SPNS3: variants seen among roughly 807,000 people sequenced by gnomAD.
SPNS3 encodes the protein SPNS lysolipid transporter 3, sphingosine-1-phosphate (putative).
A neutral mutation model predicts 54.4 loss-of-function variants in SPNS3; 51 were observed. That is an observed-to-expected ratio of 0.94 (90% CI 0.75 to 1.18). The LOEUF (loss-of-function observed/expected upper bound fraction) is 1.18. SPNS3 is among the 50% of genes most tolerant of loss of function. The pLI is 0.00. For synonymous variants in SPNS3, 309 were observed against 294.7 expected (o/e 1.05, Z -0.50); for missense variants, 669 against 677.4 (o/e 0.99, Z 0.14).
intron 7 of SPNS3, 97 bp from the exon 8 acceptor site, chr17:4,452,919 T>G: frequency 8.0e-7 from 1 of 1,245,396 alleles, no homozygotes; most frequent in South Asian, 1.4e-5. Flanking sequence ...GATCATGCAC[T>G]TGAGCCGAGG....
Position 4,486,186 on chromosome 17 carries a change from C to A in SPNS3, c.1180-42C>A, listed in dbSNP as rs780878471. The A allele has an allele frequency of 6.7e-7, 1 of 1,485,394 alleles. No individual in the cohort carries two copies. Among genetic ancestry groups the A allele is most frequent in the Non-Finnish European group, 8.9e-7 (1 of 1,118,398 alleles). The allele number at this position is 1,485,394 out of a possible 1,614,324, so 92.0% of individuals were successfully genotyped here. A position where few individuals can be genotyped will look rare whatever the true frequency, so the allele number is the denominator to read the frequency against. On this transcript the variant is annotated intron_variant, in intron 9 of 11. Transcript: ENST00000355530. The surrounding 1 kb of genome is among the most constrained non-coding windows in gnomAD (Gnocchi z 5.5). ...AGGTGGGGAACAGCAGGCAAGGGTGCCCTCACTTGGGGTGCCCCCCTGCTG... is the reference window on the plus strand; with the variant it reads ...AGGTGGGGAACAGCAGGCAAGGGTGACCTCACTTGGGGTGCCCCCCTGCTG...
At chr17:4,481,058 G>A (rs1364012359) in intron 9 of SPNS3, among the ~76,000 whole-genome samples, 1 of 152,148 alleles carries the variant, frequency 6.6e-6, no homozygotes, top group Non-Finnish European at 1.5e-5. Context: ...GAGGGTGAGG[G>A]AGGGGAAGCA....
In SPNS3 at chr17:4,488,158, C is replaced by T. The variant is rs1972375213; in HGVS notation, c.*264C>T. 2 of 528,366 alleles carry T rather than the reference C, an allele frequency of 3.8e-6. No individual in the cohort carries two copies. The highest frequency in any genetic ancestry group is 1.9e-5 in the African/African-American group (1 of 52,382). The allele number at this position is 528,366 out of a possible 1,614,324, so 32.7% of individuals were successfully genotyped here. On this transcript the variant is annotated 3_prime_UTR_variant, in exon 12 of 12. Coordinates refer to ENST00000355530, the MANE Select transcript of SPNS3 (RefSeq NM_182538.5). ...TCTCCAGCCTGGCTGCTGCTGGGCC[C>T]TGAATAAAGAGAGGCCAGTACAAAG...
intron 1 of SPNS3, among the ~76,000 whole-genome samples, chr17:4,435,073 A>G (rs1413000841): frequency 1.3e-5 from 2 of 152,052 alleles, no homozygotes; most frequent in African/African-American, 4.8e-5. Context: ...AAGTGTTGGG[A>G]TTATAGGCAT....
intron 8 of SPNS3, among the ~76,000 whole-genome samples, chr17:4,467,194 C>G (rs545409016): frequency 3.0e-4 from 46 of 151,796 alleles, no homozygotes; most frequent in Non-Finnish European, 5.6e-4. Context: ...TATGGAGGGT[C>G]TTGTACATAG....
In SPNS3 at chr17:4,445,921, C is replaced by T. The variant is rs185355056; in HGVS notation, c.403-127C>T. Reference sequence around the variant, plus strand: ...TGGAGTGGAGAGGTGTCTGTAGCCCCGATCCCCTCTCCCTACTCTGGGGTC... The same window carrying T: ...TGGAGTGGAGAGGTGTCTGTAGCCCTGATCCCCTCTCCCTACTCTGGGGTC... On this transcript the variant is annotated intron_variant, in intron 3 of 11. Coordinates refer to ENST00000355530, the MANE Select transcript of SPNS3 (RefSeq NM_182538.5). 1.7e-3 allele frequency: 1,910 copies of T among 1,142,688 alleles called. 6 individuals carry two copies. The highest frequency in any genetic ancestry group is 7.4e-3 in the Middle Eastern group (23 of 3,118). The allele number at this position is 1,142,688 out of a possible 1,614,324, so 70.8% of individuals were successfully genotyped here. A position where few individuals can be genotyped will look rare whatever the true frequency, so the allele number is the denominator to read the frequency against.
At chr17:4,449,511 A>G (rs557574422) in intron 7 of SPNS3, 124 bp downstream of exon 7, 10 of 1,166,530 alleles carry the variant, frequency 8.6e-6, no homozygotes, top group Non-Finnish European at 1.2e-5. Context: ...GTGTGAAGAC[A>G]GTGGAGCTCA....
intron 8 of SPNS3, among the ~76,000 whole-genome samples, chr17:4,455,708 A>G (rs1173247354): frequency 2.0e-5 from 3 of 152,110 alleles, no homozygotes; most frequent in Admixed American, 6.5e-5. Context: ...AGACTACTCC[A>G]TCTGGCATCC....
At chr17:4,476,892 G>A (rs550298690) in intron 8 of SPNS3, among the ~76,000 whole-genome samples, 11 of 152,294 alleles carry the variant, frequency 7.2e-5, no homozygotes, top group African/African-American at 1.9e-4. Flanking sequence ...TTCCTGTCCC[G>A]CCCGGCATGG....
At chr17:4,468,609 G>A (rs1169117906) in intron 8 of SPNS3, among the ~76,000 whole-genome samples, 1 of 152,032 alleles carries the variant, frequency 6.6e-6, no homozygotes, top group Non-Finnish European at 1.5e-5. Context: ...GGAGGGGCAG[G>A]GGTTTTTGTT....
At chr17:4,481,921 G>T (rs971817243) in intron 9 of SPNS3, 2 of 148,366 alleles carry the variant, frequency 1.3e-5, no homozygotes, top group Non-Finnish European at 2.9e-5. Context: ...ACGGAGTCTC[G>T]CACTGTCGCC....
Position 4,486,643 on chromosome 17 carries a change from T to C in SPNS3, c.1450+60T>C. Reference sequence around the variant, plus strand: ...CCGGCACCCTAGGGACAGACAGCACTGGCCACCCCCTGAATCCCTGGCCAG... The same window carrying C: ...CCGGCACCCTAGGGACAGACAGCACCGGCCACCCCCTGAATCCCTGGCCAG... On this transcript the variant is annotated intron_variant, in intron 11 of 11. Transcript: ENST00000355530. This position sits in a 1 kb window ranked among gnomAD's most constrained non-coding sequence, Gnocchi z 5.5. 6.6e-7 allele frequency: 1 copy of C among 1,520,484 alleles called. No individual in the cohort carries two copies. The highest frequency in any genetic ancestry group is 8.9e-7 in the Non-Finnish European group (1 of 1,123,160). 94.2% of individuals were successfully genotyped at this position (1,520,484 alleles called of 1,614,324 possible). A position where few individuals can be genotyped will look rare whatever the true frequency, so the allele number is the denominator to read the frequency against.
At chr17:4,474,779 A>G (rs758522293) in intron 8 of SPNS3, among the ~76,000 whole-genome samples, 9 of 152,184 alleles carry the variant, frequency 5.9e-5, no homozygotes, top group Non-Finnish European at 1.2e-4. Flanking sequence ...GGTACATGCC[A>G]GGCTGTTTTT....
intron 1 of SPNS3, among the ~76,000 whole-genome samples, chr17:4,438,033 G>A (rs940305622): frequency 5.3e-5 from 8 of 152,110 alleles, no homozygotes; most frequent in African/African-American, 1.9e-4. Context: ...AAGATCTGCC[G>A]GCCTCGGCCT....
Position 4,446,119 on chromosome 17 carries a change from C to A in SPNS3, c.474C>A (p.Pro158=). The A allele has an allele frequency of 6.2e-7, 1 of 1,613,654 alleles. No homozygotes were observed. Among genetic ancestry groups the A allele is most frequent in the South Asian group, 1.1e-5 (1 of 91,048 alleles). Residue 158 remains proline (P), a synonymous_variant, in exon 4 of 12, where the codon CCC becomes CCA. Transcript: ENST00000355530. Reference sequence around the variant, plus strand: ...CGGCCAGCTACTCCACCATCGCGCCCACCGTCCTGGGCGACCTCTTCGTGA... The same window carrying A: ...CGGCCAGCTACTCCACCATCGCGCCAACCGTCCTGGGCGACCTCTTCGTGA... ...TGSASYSTIA[P]TVLGDLFVRD... is the part of the protein sequence containing the mutation.
intron 8 of SPNS3, among the ~76,000 whole-genome samples, chr17:4,476,864 C>T (rs764495755): frequency 2.8e-4 from 42 of 152,208 alleles, no homozygotes; most frequent in Non-Finnish European, 5.1e-4. Flanking sequence ...GCTCTCCCTC[C>T]ACCAGAGCTG....
At chr17:4,437,772 G>A (rs921432198) in intron 1 of SPNS3, among the ~76,000 whole-genome samples, 3 of 149,762 alleles carry the variant, frequency 2.0e-5, no homozygotes, top group African/African-American at 4.9e-5. Flanking sequence ...CAAATTAAAT[G>A]TCTAAACAAA....
In SPNS3 at chr17:4,486,331, G is replaced by C; in HGVS notation, c.1278+5G>C. ...AGCCCCTATCTCACAGGACTTGTAA[G>C]ACGTGTCTGCGTGTGTGGGGTGGGG... On this transcript the variant is annotated splice_donor_5th_base_variant and intron_variant, in intron 10 of 11. Transcript: ENST00000355530. This position sits in a 1 kb window ranked among gnomAD's most constrained non-coding sequence, Gnocchi z 5.5. The C allele has an allele frequency of 6.2e-7, 1 of 1,600,414 alleles. No individual in the cohort carries two copies. Among genetic ancestry groups the C allele is most frequent in the African/African-American group, 1.3e-5 (1 of 74,280 alleles).
chr17:4,457,405 A>G, intron 8 of SPNS3, among the ~76,000 whole-genome samples: 1 of 152,310 alleles, frequency 6.6e-6, no homozygotes. Flanking sequence ...ACAAACAAAC[A>G]AACAATCAAC....
Sources: gnomAD v4.1 joint callset for allele counts (sites outside exome capture counted in the v4.1 genomes callset) on GRCh38, gnomAD v4.1.1 for gene constraint, Gnocchi (gnomAD v3.1) non-coding constraint, MANE v1.5 for transcripts, NCBI Gene and HGNC (gene_info 2026-07-23, HGNC 2026-07-21) for gene names.